ENDOD1: variants seen among roughly 807,000 people sequenced by gnomAD.
The protein encoded by ENDOD1 is endonuclease domain containing 1.
A neutral mutation model predicts 6.5 loss-of-function variants in ENDOD1; 9 were observed. The observed-to-expected ratio is 1.39, with a 90% CI of 0.84 to 2.43. The LOEUF is 2.43. Ranked by LOEUF, ENDOD1 falls within the 30% of genes most tolerant of loss-of-function variation. The probability of loss-of-function intolerance (pLI) is 0.00; values close to 1 mark genes in which losing one functional copy is unlikely to be tolerated. For missense variants in ENDOD1, 648 were observed against 635.5 expected (o/e 1.02, Z -0.21); for synonymous variants, 255 against 255.2 (o/e 1.00, Z 0.01).
intron 1 of ENDOD1, among the ~76,000 whole-genome samples, chr11:95,118,097 C>T (rs772969529): frequency 6.6e-6 from 1 of 152,128 alleles, no homozygotes; most frequent in Non-Finnish European, 1.5e-5. Flanking sequence ...TTTATTGTTT[C>T]TATTTATATC....
intron 1 of ENDOD1, among the ~76,000 whole-genome samples, chr11:95,097,092 C>T (rs1429374594): frequency 6.8e-6 from 1 of 147,426 alleles, no homozygotes; most frequent in Non-Finnish European, 1.5e-5. Context: ...GAGGTAGAGG[C>T]TGTGGTGAGC....
intron 1 of ENDOD1, among the ~76,000 whole-genome samples, chr11:95,101,949 C>T (rs1278745739): frequency 5.3e-5 from 8 of 152,114 alleles, no homozygotes; most frequent in Non-Finnish European, 7.4e-5. Context: ...TTTTCTTCCA[C>T]AGACATTTTC....
chr11:95,106,002 G>C (rs1859085542), intron 1 of ENDOD1, among the ~76,000 whole-genome samples: 1 of 152,198 alleles, frequency 6.6e-6, no homozygotes, highest in Non-Finnish European at 1.5e-5. Flanking sequence ...AGCCACAGCA[G>C]CCAGGCAGGG....
At position 95,131,887 on chromosome 11, in the gene ENDOD1, G is replaced by A. The variant is rs937289165; in HGVS notation, c.*2308G>A. ...GTGTCTATTTATTCTTGGGTGGCCAGTTTTGAAACCTAAAAAGGGACAATA... is the reference window on the plus strand; with the variant it reads ...GTGTCTATTTATTCTTGGGTGGCCAATTTTGAAACCTAAAAAGGGACAATA... On this transcript the variant is annotated 3_prime_UTR_variant, in exon 2 of 2. Transcript: ENST00000278505. The A allele has an allele frequency of 6.6e-6, 1 of 152,188 alleles. No individual in the cohort carries two copies. Among genetic ancestry groups the A allele is most frequent in the Non-Finnish European group, 1.5e-5 (1 of 68,032 alleles). 9.4% of individuals were successfully genotyped at this position (152,188 alleles called of 1,614,324 possible). A position where few individuals can be genotyped will look rare whatever the true frequency, so the allele number is the denominator to read the frequency against.
chr11:95,094,225 G>A (rs1279199427), intron 1 of ENDOD1, among the ~76,000 whole-genome samples: 5 of 151,234 alleles, frequency 3.3e-5, no homozygotes, highest in Non-Finnish European at 7.4e-5. Context: ...ATACTGTGAG[G>A]TAGATATTAT....
At chr11:95,109,452 T>C (rs1391635127) in intron 1 of ENDOD1, among the ~76,000 whole-genome samples, 9 of 152,238 alleles carry the variant, frequency 5.9e-5, no homozygotes, top group African/African-American at 2.2e-4. Context: ...ATGAGATCAT[T>C]CTTTCAACAA....
intron 1 of ENDOD1, among the ~76,000 whole-genome samples, chr11:95,114,211 G>C (rs1310891389): frequency 2.0e-5 from 3 of 152,040 alleles, no homozygotes; most frequent in Non-Finnish European, 4.4e-5. Flanking sequence ...CTACCTCCTG[G>C]GCTCAAGTGA....
intron 1 of ENDOD1, among the ~76,000 whole-genome samples, chr11:95,115,304 A>G (rs146036469): frequency 2.0e-5 from 3 of 149,794 alleles, no homozygotes; most frequent in African/African-American, 7.3e-5. Flanking sequence ...CGCTGTTGAT[A>G]TATAGAAATG....
At chr11:95,107,071 CAAT>C (rs1555111477) in intron 1 of ENDOD1, among the ~76,000 whole-genome samples, 1 of 151,996 alleles carries the variant, frequency 6.6e-6, no homozygotes. Context: ...AGAGAGTGAT[CAAT>C]GAGAACCTGA....
At chr11:95,095,043 G>GCACACACACA (rs56010766) in intron 1 of ENDOD1, among the ~76,000 whole-genome samples, 2 of 147,996 alleles carry the variant, frequency 1.4e-5, no homozygotes, top group East Asian at 2.0e-4. Context: ...GCGTGTGCAC[G>GCACACACACA]CACACACACA....
At chr11:95,108,526 C>CACACACACACACACAG (rs1196456625) in intron 1 of ENDOD1, among the ~76,000 whole-genome samples, 1 of 141,030 alleles carries the variant, frequency 7.1e-6, no homozygotes, top group African/African-American at 2.5e-5. Flanking sequence ...CACACACACA[C>CACACACACACACACAG]AGACACCCAA....
intron 1 of ENDOD1, among the ~76,000 whole-genome samples, chr11:95,118,802 C>G (rs1382979651): frequency 6.6e-6 from 1 of 152,034 alleles, no homozygotes; most frequent in Non-Finnish European, 1.5e-5. Flanking sequence ...TAGATTTGCC[C>G]CTTTGAGGCT....
At chr11:95,115,049 A>T (rs1859192169) in intron 1 of ENDOD1, among the ~76,000 whole-genome samples, 1 of 152,150 alleles carries the variant, frequency 6.6e-6, no homozygotes, top group African/African-American at 2.4e-5. Context: ...TGATATTTTG[A>T]TAGGGATTGC....
intron 1 of ENDOD1, among the ~76,000 whole-genome samples, chr11:95,104,627 C>A (rs1208122270): frequency 6.6e-6 from 1 of 152,048 alleles, no homozygotes; most frequent in Non-Finnish European, 1.5e-5. Flanking sequence ...TTCATTGATG[C>A]ATGAATCATA....
chr11:95,127,960 A>G (rs1180176729), intron 1 of ENDOD1, among the ~76,000 whole-genome samples: 2 of 152,120 alleles, frequency 1.3e-5, no homozygotes, highest in African/African-American at 4.8e-5. Context: ...GGATTTCAGC[A>G]TGTTGGCCAG....
At chr11:95,127,038 A>G (rs1444801662) in intron 1 of ENDOD1, among the ~76,000 whole-genome samples, 4 of 152,274 alleles carry the variant, frequency 2.6e-5, no homozygotes, top group African/African-American at 7.2e-5. Flanking sequence ...AACATTATTT[A>G]CGAAACCTTT....
chr11:95,120,316 A>G (rs925173909), intron 1 of ENDOD1, among the ~76,000 whole-genome samples: 4 of 152,150 alleles, frequency 2.6e-5, no homozygotes, highest in African/African-American at 7.2e-5. Context: ...TCTAAGGCCC[A>G]TGACATGCTT....
intron 1 of ENDOD1, among the ~76,000 whole-genome samples, chr11:95,124,843 G>A (rs1859296077): frequency 6.6e-6 from 1 of 152,194 alleles, no homozygotes; most frequent in Non-Finnish European, 1.5e-5. Flanking sequence ...TTGCAGCACT[G>A]GAAGACCACG....
Position 95,130,987 on chromosome 11 carries a change from A to G in ENDOD1, c.*1408A>G, listed in dbSNP as rs190732851. 1 of 152,366 alleles carries G rather than the reference A, an allele frequency of 6.6e-6. No individual in the cohort carries two copies. The highest frequency in any genetic ancestry group is 2.4e-5 in the African/African-American group (1 of 41,590). The allele number at this position is 152,366 out of a possible 1,614,324, so 9.4% of individuals were successfully genotyped here. A position where few individuals can be genotyped will look rare whatever the true frequency, so the allele number is the denominator to read the frequency against. ...GGGGCTACCGCCCAGGATCAATCAG[A>G]AAGTTATATGCAAAAATTCGGGGTC... On this transcript the variant is annotated 3_prime_UTR_variant, in exon 2 of 2. Coordinates refer to ENST00000278505, the MANE Select transcript of ENDOD1 (RefSeq NM_015036.3).
Sources: gnomAD v4.1 joint callset for allele counts (sites outside exome capture counted in the v4.1 genomes callset) on GRCh38, gnomAD v4.1.1 for gene constraint, MANE v1.5 for transcripts, NCBI Gene and HGNC (gene_info 2026-07-23, HGNC 2026-07-21) for gene names.